PCDHGA1: variants seen among roughly 807,000 people sequenced by gnomAD.
The protein encoded by PCDHGA1 is protocadherin gamma subfamily A, 1, also known as protocadherin gamma-A1.
In PCDHGA1, 32 loss-of-function variants were observed where a neutral mutation model predicts 58.0. That is an observed-to-expected ratio of 0.55 (90% CI 0.42 to 0.74). The LOEUF is 0.74. Ranked by LOEUF, PCDHGA1 falls within the 30% of genes least tolerant of loss-of-function variation. The pLI is 0.00. For missense variants in PCDHGA1, 1,205 were observed against 1,182.3 expected, an observed-to-expected ratio of 1.02 and a Z score of -0.28; for synonymous variants, 498 against 501.1, an observed-to-expected ratio of 0.99 and a Z score of 0.08.
At chr5:141,361,569 C>T in intron 1 of PCDHGA1, 1 of 1,614,072 alleles carries the variant, frequency 6.2e-7, no homozygotes. Flanking sequence ...GTGCCTCTGA[C>T]CCTGACTTGG....
intron 1 of PCDHGA1, among the ~76,000 whole-genome samples, chr5:141,435,715 A>G (rs528951395): frequency 6.6e-6 from 1 of 152,328 alleles, no homozygotes; most frequent in African/African-American, 2.4e-5. Context: ...ACAGACACTG[A>G]ATGCTAAAGT....
At chr5:141,433,272 C>A in intron 1 of PCDHGA1, 1 of 1,252,410 alleles carries the variant, frequency 8.0e-7, no homozygotes, top group Non-Finnish European at 1.1e-6. Context: ...TAGCTCACTG[C>A]AGCCTCAAAC....
intron 1 of PCDHGA1, among the ~76,000 whole-genome samples, chr5:141,458,079 C>G (rs1016889225): frequency 6.6e-6 from 1 of 152,186 alleles, no homozygotes; most frequent in Non-Finnish European, 1.5e-5. Context: ...AACTATATTG[C>G]CGTAAGTTAA....
intron 1 of PCDHGA1, chr5:141,402,800 C>A: frequency 9.3e-7 from 1 of 1,072,728 alleles, no homozygotes; most frequent in Non-Finnish European, 1.3e-6. Flanking sequence ...ACACAAAACC[C>A]GGCAGATACC....
Position 141,407,977 on chromosome 5 carries a change from G to T in PCDHGA1, c.2421+74872G>T, listed in dbSNP as rs943554200. ...GTGCAGAGCAAGCGCTGACGCCGGG[G>T]ATCCGTCAGCCTCTGGCCTGGGATT... On this transcript the variant is annotated intron_variant, in intron 1 of 3. Coordinates refer to ENST00000517417, the MANE Select transcript of PCDHGA1 (RefSeq NM_018912.3). 65 of 747,656 alleles carry T rather than the reference G, an allele frequency of 8.7e-5. No individual in the cohort carries two copies. The African/African-American group carries it at 1.0e-3, about 12-fold the overall frequency. The allele number at this position is 747,656 out of a possible 1,614,324, so 46.3% of individuals were successfully genotyped here. A position where few individuals can be genotyped will look rare whatever the true frequency, so the allele number is the denominator to read the frequency against.
chr5:141,434,010 T>C (rs772136259), intron 1 of PCDHGA1, among the ~76,000 whole-genome samples: 26 of 152,224 alleles, frequency 1.7e-4, no homozygotes, highest in Non-Finnish European at 3.1e-4. Flanking sequence ...TATATGTTTG[T>C]TTCTATGATT....
rs775895766 is a variant in PCDHGA1, at chr5:141,384,987, G to T, written c.2421+51882G>T. On this transcript the variant is annotated intron_variant, in intron 1 of 3. Coordinates refer to ENST00000517417, the MANE Select transcript of PCDHGA1 (RefSeq NM_018912.3). ...ACCTCACGTTGTACCTGGTGGTGGC[G>T]GTGGCCACAGTCTCCTGCGTCTTCC... The T allele has an allele frequency of 3.7e-6, 6 of 1,613,996 alleles. No individual in the cohort carries two copies. The African/African-American group carries it at 6.7e-5, about 18-fold the overall frequency.
At chr5:141,346,534 T>C in intron 1 of PCDHGA1, 1 of 1,567,410 alleles carries the variant, frequency 6.4e-7, no homozygotes, top group East Asian at 2.3e-5. Flanking sequence ...CACATATGTA[T>C]TTGAGAAATA....
At chr5:141,457,784 T>G (rs1021614051) in intron 1 of PCDHGA1, among the ~76,000 whole-genome samples, 1 of 152,210 alleles carries the variant, frequency 6.6e-6, no homozygotes, top group Non-Finnish European at 1.5e-5. Flanking sequence ...TACCTGTGAG[T>G]TGGGTTATCC....
intron 1 of PCDHGA1, among the ~76,000 whole-genome samples, chr5:141,347,432 G>A (rs1248544823): frequency 1.3e-5 from 2 of 152,062 alleles, no homozygotes; most frequent in African/African-American, 4.8e-5. Flanking sequence ...TGCGATTAGA[G>A]GCATGAGCCA....
At chr5:141,433,395 C>CTATA (rs1426636882) in intron 1 of PCDHGA1, among the ~76,000 whole-genome samples, 2 of 150,654 alleles carry the variant, frequency 1.3e-5, no homozygotes, top group African/African-American at 4.9e-5. Context: ...ATCTATCTAT[C>CTATA]TATCTATCTA....
intron 1 of PCDHGA1, chr5:141,374,487 A>C: frequency 6.2e-7 from 1 of 1,611,648 alleles, no homozygotes; most frequent in Non-Finnish European, 8.5e-7. Flanking sequence ...CGATTCTTAA[A>C]GGAAGAATTG....
At chr5:141,443,199 G>C (rs936013020) in intron 1 of PCDHGA1, among the ~76,000 whole-genome samples, 1 of 152,002 alleles carries the variant, frequency 6.6e-6, no homozygotes. Context: ...ATAGTACAAA[G>C]AGCTTGTCTC....
At chr5:141,338,977 G>A in intron 1 of PCDHGA1, 4 of 1,531,718 alleles carry the variant, frequency 2.6e-6, no homozygotes, top group East Asian at 2.3e-5. Context: ...GGGAAATGGC[G>A]GCTCTGCAAA....
intron 1 of PCDHGA1, chr5:141,414,676 CA>C (rs779931467): frequency 5.6e-5 from 91 of 1,613,916 alleles, no homozygotes; most frequent in Middle Eastern, 1.6e-4. Context: ...AGACACCATC[CA>C]GGGGGTACCT....
chr5:141,509,602 C>T (rs921950654), intron 3 of PCDHGA1, among the ~76,000 whole-genome samples: 8 of 152,194 alleles, frequency 5.3e-5, no homozygotes, highest in Non-Finnish European at 8.8e-5. Context: ...TTCCGAGAGG[C>T]TGCATTCTAA....
chr5:141,431,828 C>T lies in PCDHGA1; in HGVS notation c.2422-62979C>T. The T allele has an allele frequency of 6.2e-7, 1 of 1,610,208 alleles. No individual in the cohort carries two copies. Among genetic ancestry groups the T allele is most frequent in the Non-Finnish European group, 8.5e-7 (1 of 1,176,374 alleles). On this transcript the variant is annotated intron_variant, in intron 1 of 3. Transcript: ENST00000517417. This position sits in a 1 kb window ranked among gnomAD's most constrained non-coding sequence, Gnocchi z 4.8. Reference sequence around the variant, plus strand: ...CCTCACCTCTCTCGCCAGCTCGGTTCCCGAAAACTCTCCCAGAGGGACATT... The same window carrying T: ...CCTCACCTCTCTCGCCAGCTCGGTTTCCGAAAACTCTCCCAGAGGGACATT...
At chr5:141,478,050 CG>C in intron 1 of PCDHGA1, 1 of 1,614,184 alleles carries the variant, frequency 6.2e-7, no homozygotes, top group Non-Finnish European at 8.5e-7. Context: ...CAGACTCTCA[CG>C]GTCTTGATCA....
intron 1 of PCDHGA1, chr5:141,410,110 C>A (rs1361292941): frequency 6.2e-7 from 1 of 1,612,540 alleles, no homozygotes; most frequent in Admixed American, 1.7e-5. Flanking sequence ...GCGACAGGGA[C>A]GCAGCCCGCC....
Sources: gnomAD v4.1 joint callset for allele counts (sites outside exome capture counted in the v4.1 genomes callset) on GRCh38, gnomAD v4.1.1 for gene constraint, Gnocchi (gnomAD v3.1) non-coding constraint, MANE v1.5 for transcripts, NCBI Gene and HGNC (gene_info 2026-07-23, HGNC 2026-07-21) for gene names.